ME3: variants seen among roughly 807,000 people sequenced by gnomAD.
The protein encoded by ME3 is malic enzyme 3, also known as NADP-dependent malic enzyme, mitochondrial.
In ME3, 48 loss-of-function variants were observed where a neutral mutation model predicts 68.9. The ratio of observed to expected loss-of-function variants is 0.70; its 90% CI spans 0.55 to 0.89. The LOEUF (loss-of-function observed/expected upper bound fraction) is 0.89, where lower values mean the gene tolerates loss of function less well. Among genes scored for constraint, ME3 ranks in the 40% least tolerant of loss-of-function variants. ME3 has a pLI of 0.00. For missense variants in ME3, 675 were observed against 797.4 expected (o/e 0.85, Z 1.85); for synonymous variants, 320 against 318.8 (o/e 1.00, Z -0.04).
At position 86,655,086 on chromosome 11, in the gene ME3, T is replaced by G. The variant is rs183991873; in HGVS notation, c.183+16676A>C. Among the ~76,000 whole-genome samples the G allele has an allele frequency of 7.1e-3, 1,086 of 152,142 alleles. 6 individuals are homozygous for G. The highest frequency in any genetic ancestry group is 0.01 in the Non-Finnish European group (710 of 67,982). On this transcript the variant is annotated intron_variant, in intron 2 of 14. Transcript: ENST00000543262. ...AGGAGAACTACAAACCACTGCTCAATGAAATAAAAGAGGATACAAACAAAT... is the reference window on the plus strand; with the variant it reads ...AGGAGAACTACAAACCACTGCTCAAGGAAATAAAAGAGGATACAAACAAAT...
intron 2 of ME3, among the ~76,000 whole-genome samples, chr11:86,588,347 TATAAC>T (rs1247873516): frequency 6.6e-5 from 10 of 152,318 alleles, no homozygotes; most frequent in African/African-American, 1.2e-4. Context: ...TAACAAGTAA[TATAAC>T]AAGCTGTTTG....
chr11:86,620,873 T>C (rs912574926), intron 2 of ME3, among the ~76,000 whole-genome samples: 3 of 152,216 alleles, frequency 2.0e-5, no homozygotes, highest in Non-Finnish European at 2.9e-5. Flanking sequence ...TCCAGTTTCC[T>C]GAGGTTTTTA....
At chr11:86,530,211 G>T (rs1329895200) in intron 4 of ME3, among the ~76,000 whole-genome samples, 2 of 150,624 alleles carry the variant, frequency 1.3e-5, no homozygotes, top group Non-Finnish European at 3.0e-5. Context: ...ACCAATAACA[G>T]ACAGAGAGCC....
At chr11:86,515,009 G>T (rs1438224755) in intron 4 of ME3, among the ~76,000 whole-genome samples, 1 of 152,186 alleles carries the variant, frequency 6.6e-6, no homozygotes, top group Non-Finnish European at 1.5e-5. Flanking sequence ...ATTTTAGTAT[G>T]CATGTTTGTC....
intron 5 of ME3, among the ~76,000 whole-genome samples, chr11:86,498,571 A>T (rs1398266562): frequency 6.6e-6 from 1 of 152,186 alleles, no homozygotes; most frequent in Non-Finnish European, 1.5e-5. Context: ...GTGCTCTCCG[A>T]CCTACTCCTG....
At chr11:86,582,791 C>T (rs1372232013) in intron 2 of ME3, among the ~76,000 whole-genome samples, 1 of 151,794 alleles carries the variant, frequency 6.6e-6, no homozygotes, top group Non-Finnish European at 1.5e-5. Context: ...GGGAGTCCTG[C>T]TACTGGGTAA....
At chr11:86,624,804 T>C (rs1943557715) in intron 2 of ME3, among the ~76,000 whole-genome samples, 1 of 152,222 alleles carries the variant, frequency 6.6e-6, no homozygotes, top group Admixed American at 6.5e-5. Flanking sequence ...GCAAGTGGAC[T>C]GCTCTAAGGA....
In ME3 at chr11:86,586,256, T is replaced by C. The variant is rs143704883; in HGVS notation, c.184-26433A>G. ...GAATGATTGCCTGTGGAACCCAAGCTGGGTTGGATTAGGTTAGTGGGTAGG... is the reference window on the plus strand; with the variant it reads ...GAATGATTGCCTGTGGAACCCAAGCCGGGTTGGATTAGGTTAGTGGGTAGG... On this transcript the variant is annotated intron_variant, in intron 2 of 14. Coordinates refer to ENST00000543262, the Ensembl canonical transcript of ME3. Among the ~76,000 whole-genome samples, 18 of 152,252 alleles carry C rather than the reference T, an allele frequency of 1.2e-4. 1 individual carries two copies. The East Asian group carries it at 3.5e-3, about 29-fold the overall frequency.
chr11:86,499,553 C>G (rs947849827), intron 5 of ME3, among the ~76,000 whole-genome samples: 1 of 152,160 alleles, frequency 6.6e-6, no homozygotes, highest in African/African-American at 2.4e-5. Flanking sequence ...CCCATTCTTT[C>G]CCTGGAAGAG....
At chr11:86,478,835 A>G (rs1032079949) in intron 7 of ME3, among the ~76,000 whole-genome samples, 1 of 152,156 alleles carries the variant, frequency 6.6e-6, no homozygotes, top group African/African-American at 2.4e-5. Flanking sequence ...GGGCCCAGGG[A>G]AGCTTGGTTT....
At position 86,544,750 on chromosome 11, in the gene ME3, T is replaced by C. The variant is rs7939530; in HGVS notation, c.467+11803A>G. ...AGGTACAAAGAGGAACTGGTACCAT[T>C]CCTTCTGAAACTATTCCAAACAATA... is the stretch of plus-strand genomic sequence containing the variant. On this transcript the variant is annotated intron_variant, in intron 4 of 14. Coordinates refer to ENST00000543262, the Ensembl canonical transcript of ME3. Among the ~76,000 whole-genome samples the C allele has an allele frequency of 5.3e-3, 801 of 152,284 alleles. 5 individuals are homozygous for C. Among genetic ancestry groups the C allele is most frequent in the African/African-American group, 0.019 (770 of 41,558 alleles).
intron 4 of ME3, among the ~76,000 whole-genome samples, chr11:86,513,974 TTGTAATCCCCACGTGTGAAGGGAGGAACC>T (rs1489546129): frequency 1.2e-4 from 19 of 152,106 alleles, no homozygotes; most frequent in Non-Finnish European, 2.6e-4. Flanking sequence ...TCATCTTGAA[TTGTAATCCCCACGTGTGAAGGGAGGAACC>T]TGTAATCCCC....
intron 5 of ME3, among the ~76,000 whole-genome samples, chr11:86,499,339 T>G (rs1952568888): frequency 6.6e-6 from 1 of 152,096 alleles, no homozygotes. Flanking sequence ...GGTGAAGTTG[T>G]TTGTAGGCCA....
chr11:86,487,572 TC>T (rs1289202067), intron 6 of ME3, 132 bp from the exon 7 acceptor site: 27 of 671,888 alleles, frequency 4.0e-5, no homozygotes, highest in Admixed American at 2.2e-4. Flanking sequence ...GGTAACTGGA[TC>T]CCCCCCGCCC....
chr11:86,576,224 T>A (rs987604983), intron 2 of ME3, among the ~76,000 whole-genome samples: 16 of 151,962 alleles, frequency 1.1e-4, no homozygotes, highest in Admixed American at 9.2e-4. Context: ...AGGAAAGTGG[T>A]TGGGGGAGGT....
intron 2 of ME3, among the ~76,000 whole-genome samples, chr11:86,656,321 T>C (rs961409098): frequency 1.3e-5 from 2 of 151,912 alleles, no homozygotes; most frequent in African/African-American, 4.8e-5. Context: ...GTGGCACTAT[T>C]CACAATAGCA....
Position 86,608,520 on chromosome 11 carries a change from G to T in ME3, c.184-48697C>A, listed in dbSNP as rs112662821. 6.5e-3 allele frequency among the ~76,000 whole-genome samples: 993 copies of T among 152,252 alleles called. 7 individuals carry two copies. Among genetic ancestry groups the T allele is most frequent in the African/African-American group, 0.022 (933 of 41,560 alleles). On this transcript the variant is annotated intron_variant, in intron 2 of 14. Coordinates refer to ENST00000543262, the Ensembl canonical transcript of ME3. The stretch of plus-strand genomic sequence containing the variant: ...TCAGGTGTAATTTAAATGCCGTTTT[G>T]CTCAGTCAGAGCAATGGACTCAAAT...
intron 2 of ME3, among the ~76,000 whole-genome samples, chr11:86,619,900 T>G (rs1183270891): frequency 1.3e-5 from 2 of 152,212 alleles, no homozygotes; most frequent in African/African-American, 4.8e-5. Context: ...ATCAGCTGAT[T>G]AATGTTCTTC....
intron 4 of ME3, among the ~76,000 whole-genome samples, chr11:86,551,073 A>T (rs1222449894): frequency 6.6e-6 from 1 of 152,184 alleles, no homozygotes; most frequent in African/African-American, 2.4e-5. Flanking sequence ...AGACATATTG[A>T]GCGGGAAGTA....
Sources: gnomAD v4.1 joint callset for allele counts (sites outside exome capture counted in the v4.1 genomes callset) on GRCh38, gnomAD v4.1.1 for gene constraint, MANE v1.5 for transcripts, NCBI Gene and HGNC (gene_info 2026-07-23, HGNC 2026-07-21) for gene names.